Variants in SLC24A2 observed in about 807,000 individuals in gnomAD.
SLC24A2 encodes sodium/potassium/calcium exchanger 2.
In SLC24A2, 36 loss-of-function variants were observed where a neutral mutation model predicts 62.0. That is an observed-to-expected ratio of 0.58 (90% confidence interval 0.44 to 0.77). The LOEUF is 0.77. SLC24A2 is among the 30% of genes least tolerant of loss of function. SLC24A2 has a pLI of 0.00. For missense variants in SLC24A2, 846 were observed against 817.9 expected, an observed-to-expected ratio of 1.03 and a Z score of -0.42; for synonymous variants, 358 against 294.0, an observed-to-expected ratio of 1.22 and a Z score of -2.23.
the SLC24A2 span, chr9:19,957,755 A>G: frequency 1.3e-5 from 2 of 152,314 alleles, no homozygotes; most frequent in South Asian, 2.1e-4. Flanking sequence ...GCTTAGGGAA[A>G]GAGTCGGGGT....
At chr9:20,198,461 A>G in the SLC24A2 span, among the ~76,000 whole-genome samples, 2 of 152,064 alleles carry the variant, frequency 1.3e-5, no homozygotes, top group African/African-American at 2.4e-5. Context: ...TCGCCCTTTA[A>G]TCTTTTCCCT....
At chr9:20,120,621 T>C in the SLC24A2 span, among the ~76,000 whole-genome samples, 3 of 152,116 alleles carry the variant, frequency 2.0e-5, no homozygotes, top group South Asian at 2.1e-4. Context: ...ACCTGGGTGA[T>C]AGAATTATCT....
chr9:19,950,785 C>A, the SLC24A2 span, among the ~76,000 whole-genome samples: 5 of 152,120 alleles, frequency 3.3e-5, no homozygotes, highest in African/African-American at 1.2e-4. Context: ...GTGGCTCAGA[C>A]TATGTTTCCT....
chr9:20,175,229 CAG>C, the SLC24A2 span, among the ~76,000 whole-genome samples: 19 of 151,754 alleles, frequency 1.3e-4, no homozygotes, highest in Admixed American at 4.0e-4. Context: ...TTTGGGGACT[CAG>C]GGGGAAAGGT....
Position 19,669,491 on chromosome 9 carries a change from A to T in SLC24A2, c.931-47192T>A, listed in dbSNP as rs1206389227. Among the ~76,000 whole-genome samples the T allele has an allele frequency of 3.3e-5, 5 of 152,330 alleles. No individual in the cohort carries two copies. The South Asian group carries it at 8.3e-4, about 25-fold the overall frequency. ...AAATAACCACAAACTTAGAGACTTA[A>T]ACTACACAAACTTATTACTTTAAAC... On this transcript the variant is annotated intron_variant, in intron 2 of 10. Transcript: ENST00000341998.
the SLC24A2 span, among the ~76,000 whole-genome samples, chr9:20,148,015 T>G: frequency 1.1e-4 from 17 of 152,186 alleles, no homozygotes; most frequent in East Asian, 1.2e-3. Flanking sequence ...ATAATCAGTC[T>G]AAAGAATCTC....
chr9:20,239,738 T>C, the SLC24A2 span, among the ~76,000 whole-genome samples: 1 of 152,240 alleles, frequency 6.6e-6, no homozygotes, highest in Non-Finnish European at 1.5e-5. Flanking sequence ...AACAGAGCTT[T>C]ACATGGAATA....
At chr9:20,276,733 C>A in the SLC24A2 span, among the ~76,000 whole-genome samples, 2 of 152,260 alleles carry the variant, frequency 1.3e-5, no homozygotes, top group South Asian at 4.1e-4. Context: ...TATTTCCATA[C>A]ATCCTCTGAA....
chr9:20,054,913 A>C, the SLC24A2 span, among the ~76,000 whole-genome samples: 1 of 152,218 alleles, frequency 6.6e-6, no homozygotes, highest in Non-Finnish European at 1.5e-5. Context: ...TGATGCTCTC[A>C]ATCATAAAAA....
intron 5 of SLC24A2, among the ~76,000 whole-genome samples, chr9:19,592,296 A>G (rs546632909): frequency 1.1e-4 from 16 of 152,310 alleles, no homozygotes; most frequent in Non-Finnish European, 1.5e-4. Flanking sequence ...CCTTGATATC[A>G]CAACTTTTCT....
At chr9:20,028,744 C>T in the SLC24A2 span, among the ~76,000 whole-genome samples, 1 of 152,202 alleles carries the variant, frequency 6.6e-6, no homozygotes, top group Admixed American at 6.5e-5. Flanking sequence ...GAGTACACAT[C>T]CCCCTGTCTG....
the SLC24A2 span, among the ~76,000 whole-genome samples, chr9:20,210,902 A>C: frequency 6.6e-6 from 1 of 151,960 alleles, no homozygotes; most frequent in Non-Finnish European, 1.5e-5. Context: ...TATCATCACA[A>C]TCCCACTGCT....
chr9:20,132,228 G>A, the SLC24A2 span, among the ~76,000 whole-genome samples: 124 of 151,914 alleles, frequency 8.2e-4, no homozygotes, highest in Non-Finnish European at 1.6e-3. Flanking sequence ...GCTTCACCGC[G>A]CAGAAGCAGA....
chr9:20,303,121 T>G, the SLC24A2 span, among the ~76,000 whole-genome samples: 8 of 144,760 alleles, frequency 5.5e-5, no homozygotes, highest in Non-Finnish European at 1.1e-4. Flanking sequence ...GATATATCTG[T>G]ATTTTTTTTC....
intron 2 of SLC24A2, among the ~76,000 whole-genome samples, chr9:19,762,908 G>T (rs1354052495): frequency 6.6e-6 from 1 of 151,352 alleles, no homozygotes; most frequent in Non-Finnish European, 1.5e-5. Flanking sequence ...ATTACTATGG[G>T]CAGTATGGCT....
chr9:20,223,817 T>C, the SLC24A2 span, among the ~76,000 whole-genome samples: 1 of 152,098 alleles, frequency 6.6e-6, no homozygotes, highest in Non-Finnish European at 1.5e-5. Context: ...TATTAGTCTG[T>C]TTTCACACTG....
the SLC24A2 span, among the ~76,000 whole-genome samples, chr9:19,850,932 CATATATATATATACATATAT>C: frequency 4.3e-4 from 21 of 48,792 alleles, no homozygotes; most frequent in African/African-American, 1.2e-3. Context: ...CTCATGTGGG[CATATATATATATACATATAT>C]ATATATATAT....
intron 2 of SLC24A2, among the ~76,000 whole-genome samples, chr9:19,747,682 T>A (rs1188321087): frequency 6.6e-6 from 1 of 152,216 alleles, no homozygotes; most frequent in Non-Finnish European, 1.5e-5. Context: ...CTAACTCATA[T>A]ATTTCTACCT....
At chr9:19,656,660 G>A (rs1818952473) in intron 2 of SLC24A2, among the ~76,000 whole-genome samples, 1 of 152,138 alleles carries the variant, frequency 6.6e-6, no homozygotes, top group Non-Finnish European at 1.5e-5. Context: ...CTGCTTCTGT[G>A]TTCTTTGTTC....
Sources: gnomAD v4.1 joint callset for allele counts (sites outside exome capture counted in the v4.1 genomes callset) on GRCh38, gnomAD v4.1.1 for gene constraint, MANE v1.5 for transcripts, NCBI Gene and HGNC (gene_info 2026-07-23, HGNC 2026-07-21) for gene names.